Variants in SUCLG2 observed in about 807,000 individuals in gnomAD.
The protein encoded by SUCLG2 is succinate--CoA ligase [GDP-forming] subunit beta, mitochondrial.
Under a neutral mutation model 47.9 loss-of-function variants are expected in SUCLG2, and 42 were observed. That is an observed-to-expected ratio of 0.88 (90% CI 0.69 to 1.14). SUCLG2 has a LOEUF of 1.14. SUCLG2 is among the 50% of genes most tolerant of loss of function. The pLI, the probability that SUCLG2 is intolerant of heterozygous loss-of-function variation, is 0.00. For synonymous variants in SUCLG2, 195 were observed against 197.3 expected, an observed-to-expected ratio of 0.99 and a Z score of 0.10; for missense variants, 571 against 525.9, an observed-to-expected ratio of 1.09 and a Z score of -0.84.
chr3:67,407,338 G>T (rs770545577), intron 9 of SUCLG2, among the ~76,000 whole-genome samples: 1 of 151,974 alleles, frequency 6.6e-6, no homozygotes, highest in South Asian at 2.1e-4. Flanking sequence ...CAGACATTAC[G>T]TTGTCTTTCT....
rs1708478496 is a variant in SUCLG2 at position 67,604,133 on chromosome 3, C to T, written c.226+5322G>A. On this transcript the variant is annotated intron_variant, in intron 2 of 10. Coordinates refer to ENST00000307227, the MANE Select transcript of SUCLG2 (RefSeq NM_003848.4). Reference sequence around the variant, plus strand: ...AATGAGGATCTCACTCAATATCTTACCATTATGAACAGTGTTTCAGAAACA... The same window carrying T: ...AATGAGGATCTCACTCAATATCTTATCATTATGAACAGTGTTTCAGAAACA... Among the ~76,000 whole-genome samples the T allele has an allele frequency of 2.0e-5, 3 of 152,190 alleles. No homozygotes were observed. In the South Asian group the frequency reaches 6.2e-4, roughly 31 times the overall value.
intron 9 of SUCLG2, among the ~76,000 whole-genome samples, chr3:67,495,476 AC>A (rs1705309787): frequency 2.6e-5 from 4 of 151,896 alleles, no homozygotes; most frequent in African/African-American, 9.7e-5. Context: ...AACATGAGAA[AC>A]CCTGTCTCTA....
intron 2 of SUCLG2, among the ~76,000 whole-genome samples, chr3:67,581,916 A>T (rs954482022): frequency 1.3e-5 from 2 of 152,214 alleles, no homozygotes; most frequent in Non-Finnish European, 2.9e-5. Context: ...GTAAATCAGT[A>T]AGAGTTGTAA....
chr3:67,472,994 C>A (rs1704641924), intron 9 of SUCLG2, among the ~76,000 whole-genome samples: 3 of 151,872 alleles, frequency 2.0e-5, no homozygotes, highest in Admixed American at 2.0e-4. Flanking sequence ...AATCTTGTTT[C>A]AGAAAAATAT....
intron 9 of SUCLG2, among the ~76,000 whole-genome samples, chr3:67,471,456 C>A (rs1226339628): frequency 6.6e-6 from 1 of 152,174 alleles, no homozygotes; most frequent in Non-Finnish European, 1.5e-5. Context: ...GACCCAACTG[C>A]AGCCCCTCTA....
chr3:67,394,929 A>G (rs1003672236), intron 10 of SUCLG2, among the ~76,000 whole-genome samples: 2 of 152,202 alleles, frequency 1.3e-5, no homozygotes, highest in East Asian at 1.9e-4. Flanking sequence ...ACTAAACTGC[A>G]TAAGTGAAGG....
At chr3:67,433,210 C>A (rs2106890964) in intron 9 of SUCLG2, among the ~76,000 whole-genome samples, 1 of 152,212 alleles carries the variant, frequency 6.6e-6, no homozygotes, top group East Asian at 1.9e-4. Flanking sequence ...ACTTTATAAC[C>A]ATTTGAAAAA....
chr3:67,470,002 G>A (rs1414884813), intron 9 of SUCLG2, among the ~76,000 whole-genome samples: 1 of 146,270 alleles, frequency 6.8e-6, no homozygotes, highest in Non-Finnish European at 1.5e-5. Context: ...CCAAGATCAC[G>A]CCATTGCACT....
chr3:67,542,140 C>T (rs1706733553), intron 2 of SUCLG2, among the ~76,000 whole-genome samples: 1 of 152,158 alleles, frequency 6.6e-6, no homozygotes, highest in African/African-American at 2.4e-5. Flanking sequence ...TCCCAAAGTG[C>T]TGGGATTACA....
downstream of SUCLG2, among the ~76,000 whole-genome samples, chr3:67,371,461 G>T (rs1157672362): frequency 6.6e-6 from 1 of 152,126 alleles, no homozygotes; most frequent in Admixed American, 6.6e-5. Flanking sequence ...TCTGCCTTTT[G>T]TCTTTTGGAT....
At chr3:67,476,129 C>G (rs1440322686) in intron 9 of SUCLG2, among the ~76,000 whole-genome samples, 1 of 151,730 alleles carries the variant, frequency 6.6e-6, no homozygotes, top group Admixed American at 6.6e-5. Context: ...TCTGAGAAAC[C>G]AAGAGTCAGG....
chr3:67,512,261 A>AT (rs1321293166), intron 6 of SUCLG2, among the ~76,000 whole-genome samples: 1 of 151,036 alleles, frequency 6.6e-6, no homozygotes, highest in Non-Finnish European at 1.5e-5. Context: ...TTCTCCCATT[A>AT]TTTTTTCTAG....
chr3:67,624,164 C>T (rs1229720728), intron 1 of SUCLG2, among the ~76,000 whole-genome samples: 3 of 152,246 alleles, frequency 2.0e-5, no homozygotes, highest in Non-Finnish European at 2.9e-5. Flanking sequence ...TAGCAAGAGA[C>T]TTCTCATCAC....
intron 7 of SUCLG2, among the ~76,000 whole-genome samples, chr3:67,505,936 T>C (rs1705624977): frequency 6.6e-6 from 1 of 151,938 alleles, no homozygotes; most frequent in Non-Finnish European, 1.5e-5. Flanking sequence ...CACTCCAGCC[T>C]TGGCGACAGA....
chr3:67,375,812 G>T lies in SUCLG2; in HGVS notation c.1231C>A (p.Pro411Thr), dbSNP rs117743675. 56 of 1,613,966 alleles carry T rather than the reference G, an allele frequency of 3.5e-5. No individual in the cohort carries two copies. The East Asian group carries it at 1.2e-3, about 33-fold the overall frequency. The change falls in exon 11 of 11, where the codon CCC (proline) becomes ACC (threonine). Residue 411 changes from proline (P) to threonine (T), a missense_variant. Transcript: ENST00000307227. ...AQKILNNSGL[P>T]ITSAIDLEDA... ...TCCAGGTCAATGGCTGAAGTAATGG[G>T]GAGTCCGCTGTTGTTGAGTATCTTC...
chr3:67,563,425 G>A (rs1707360305), intron 2 of SUCLG2, among the ~76,000 whole-genome samples: 1 of 152,166 alleles, frequency 6.6e-6, no homozygotes, highest in Non-Finnish European at 1.5e-5. Flanking sequence ...AACAGGAATA[G>A]TGAGAAAAAT....
intron 1 of SUCLG2, among the ~76,000 whole-genome samples, chr3:67,614,716 G>C (rs1463231): frequency 0.5 from 76,486 of 151,772 alleles, 20,528 homozygotes; most frequent in African/African-American, 0.69. Flanking sequence ...TTAGTCACAT[G>C]TTTCAAATAC....
rs77467579 is a variant in SUCLG2 at position 67,419,194 on chromosome 3, T to G, written c.1063-18343A>C. On this transcript the variant is annotated intron_variant, in intron 9 of 10. Transcript: ENST00000307227. ...TACAAAGAAACTGACTTTCTGTTGA[T>G]GGCCTGTTGAGAGGAACAAATTAAA... is the stretch of plus-strand genomic sequence containing the variant. Among the ~76,000 whole-genome samples the G allele has an allele frequency of 1.1e-3, 174 of 152,338 alleles. 5 individuals are homozygous for G. The East Asian group carries it at 0.028, about 25-fold the overall frequency.
intron 10 of SUCLG2, among the ~76,000 whole-genome samples, chr3:67,387,118 G>A (rs1702276402): frequency 6.6e-6 from 1 of 152,122 alleles, no homozygotes; most frequent in Admixed American, 6.5e-5. Context: ...GAAAATGGCA[G>A]ACACGCCAGT....
Sources: gnomAD v4.1 joint callset for allele counts (sites outside exome capture counted in the v4.1 genomes callset) on GRCh38, gnomAD v4.1.1 for gene constraint, MANE v1.5 for transcripts, NCBI Gene and HGNC (gene_info 2026-07-23, HGNC 2026-07-21) for gene names.